KLHL30: variants seen among roughly 807,000 people sequenced by gnomAD.
KLHL30 encodes kelch like family member 30.
In KLHL30, 55 loss-of-function variants were observed where a neutral mutation model predicts 55.0. That is an observed-to-expected ratio of 1.00 (90% confidence interval 0.80 to 1.25). The LOEUF (loss-of-function observed/expected upper bound fraction) is 1.25, where lower values mean the gene tolerates loss of function less well. Among genes scored for constraint, KLHL30 ranks in the 50% most tolerant of loss-of-function variants. KLHL30 has a pLI of 0.00. For missense variants in KLHL30, 786 were observed against 811.6 expected, an observed-to-expected ratio of 0.97 and a Z score of 0.38; for synonymous variants, 356 against 372.6, an observed-to-expected ratio of 0.96 and a Z score of 0.51.
At chr2:238,139,563 G>C (rs774787158) in intron 1 of KLHL30, among the ~76,000 whole-genome samples, 1 of 152,194 alleles carries the variant, frequency 6.6e-6, no homozygotes, top group Non-Finnish European at 1.5e-5. Context: ...GGTGGCACCG[G>C]GGTCGGGAAG....
Position 238,149,145 on chromosome 2 carries a change from G to A in KLHL30, c.1478G>A (p.Trp493Ter). ...GTGTACGACCCCGGGGCCAACCTGT[G>A]GCAGAAGGTGGGCCGCCCCCTCCCC... is the stretch of plus-strand genomic sequence containing the variant. ...VYVYDPGANL[W>*]QKVQSQHSLH... Residue 493 changes from tryptophan to a stop codon, truncating the protein, a stop_gained, in exon 7 of 8, where the codon TGG becomes TAG. Transcript: ENST00000409223. LOFTEE classifies it high-confidence loss of function. 1 of 1,612,680 alleles carries A rather than the reference G, an allele frequency of 6.2e-7. No homozygotes were observed. Among genetic ancestry groups the A allele is most frequent in the Non-Finnish European group, 8.5e-7 (1 of 1,179,794 alleles).
chr2:238,144,432 A>AAGGCAGGCAGGCAGGC lies in KLHL30; in HGVS notation c.908-432_908-417dup, dbSNP rs1165549782. Among the ~76,000 whole-genome samples, 343 of 82,392 alleles carry AAGGCAGGCAGGCAGGC rather than the reference A, an allele frequency of 4.2e-3. 2 individuals carry two copies. The highest frequency in any genetic ancestry group is 8.7e-3 in the African/African-American group (189 of 21,824). The allele number at this position is 82,392 out of a possible 152,430, so 54.1% of individuals were successfully genotyped here. A position where few individuals can be genotyped will look rare whatever the true frequency, so the allele number is the denominator to read the frequency against. On this transcript the variant is annotated intron_variant, in intron 3 of 7. Transcript: ENST00000409223. ...GAAGGAAGGAAGGAAGGAAGGAAGG[A>AAGGCAGGCAGGCAGGC]AGGCAGGCAGGCAGGCAGGCAGGCA...
At chr2:238,150,455 T>C (rs1692732860) in intron 7 of KLHL30, among the ~76,000 whole-genome samples, 1 of 137,066 alleles carries the variant, frequency 7.3e-6, no homozygotes, top group Non-Finnish European at 1.7e-5. Context: ...TTTTCCTGAT[T>C]GTCTGCCAGG....
At chr2:238,150,709 G>A (rs1039649751) in intron 7 of KLHL30, 105 bp from the exon 8 acceptor site, 6 of 1,341,404 alleles carry the variant, frequency 4.5e-6, no homozygotes, top group Non-Finnish European at 5.1e-6. Flanking sequence ...TCTGGGCCAG[G>A]TGGCTGGCTG....
chr2:238,145,310 C>T (rs1692627566), intron 4 of KLHL30, among the ~76,000 whole-genome samples: 1 of 152,178 alleles, frequency 6.6e-6, no homozygotes, highest in African/African-American at 2.4e-5. Context: ...CGGCCTCCTT[C>T]AGCAGGAAGC....
At position 238,151,041 on chromosome 2, in the gene KLHL30, C is replaced by T. The variant is rs1184217916; in HGVS notation, c.1713C>T (p.Pro571=). 2 of 1,592,544 alleles carry T rather than the reference C, an allele frequency of 1.3e-6. No individual in the cohort carries two copies. The highest frequency in any genetic ancestry group is 8.5e-7 in the Non-Finnish European group (1 of 1,170,706). The stretch of plus-strand genomic sequence containing the variant: ...TGGATGTCTCCAAGTGGACCCAGCC[C>T]TCCGGCCCCACCCAGGAGCACTAAA... ...VFLDVSKWTQ[P]SGPTQEH Residue 571 remains proline, a synonymous_variant, in exon 8 of 8, where the codon CCC becomes CCT. Coordinates refer to ENST00000409223, the MANE Select transcript of KLHL30 (RefSeq NM_198582.4).
rs1039178961 is a variant in KLHL30 at position 238,147,434 on chromosome 2, G to A, written c.1151-400G>A. On this transcript the variant is annotated intron_variant, in intron 5 of 7. Transcript: ENST00000409223. The surrounding 1 kb of genome is among the most constrained non-coding windows in gnomAD (Gnocchi z 5.8). ...AGATTGTATCTGGGACTGGGAGGGAGCTGCCTACAGCTCCAGGGTCTCGCA... is the reference window on the plus strand; with the variant it reads ...AGATTGTATCTGGGACTGGGAGGGAACTGCCTACAGCTCCAGGGTCTCGCA... Among the ~76,000 whole-genome samples, 2 of 152,128 alleles carry A rather than the reference G, an allele frequency of 1.3e-5. No homozygotes were observed. Among genetic ancestry groups the A allele is most frequent in the Non-Finnish European group, 2.9e-5 (2 of 68,012 alleles).
Position 238,147,982 on chromosome 2 carries a change from G to GTACAACGCCCTGGCCCTGCAGTGC in KLHL30, c.1306_1329dup (p.Ala436_Asn443dup). ...ACCTGGTGGGCTCCAGCGCCTGCAA[G>GTACAACGCCCTGGCCCTGCAGTGC]TACAACGCCCTGGCCCTGCAGTGCT... On this transcript the variant is annotated inframe_insertion, in exon 6 of 8. Transcript: ENST00000409223. The surrounding 1 kb of genome is among the most constrained non-coding windows in gnomAD (Gnocchi z 5.8). 2 of 1,548,950 alleles carry GTACAACGCCCTGGCCCTGCAGTGC rather than the reference G, an allele frequency of 1.3e-6. No homozygotes were observed. Among genetic ancestry groups the GTACAACGCCCTGGCCCTGCAGTGC allele is most frequent in the Non-Finnish European group, 1.7e-6 (2 of 1,147,502 alleles).
intron 2 of KLHL30, among the ~76,000 whole-genome samples, chr2:238,142,280 A>C (rs1293930866): frequency 6.6e-6 from 1 of 152,188 alleles, no homozygotes; most frequent in Non-Finnish European, 1.5e-5. Context: ...TCCCCACTGG[A>C]TTCCAGCCAG....
chr2:238,140,528 G>T (rs1692512157), intron 1 of KLHL30, among the ~76,000 whole-genome samples, 157 bp from the exon 2 acceptor site: 1 of 152,192 alleles, frequency 6.6e-6, no homozygotes, highest in Non-Finnish European at 1.5e-5. Context: ...GGTTCTGGGG[G>T]TGGCTTGAGG....
At chr2:238,140,069 C>T (rs1490618031) in intron 1 of KLHL30, among the ~76,000 whole-genome samples, 1 of 152,314 alleles carries the variant, frequency 6.6e-6, no homozygotes, top group Non-Finnish European at 1.5e-5. Flanking sequence ...AGTTCAAATT[C>T]CAGCTCCACC....
chr2:238,150,523 C>T (rs758386059), intron 7 of KLHL30, among the ~76,000 whole-genome samples: 3 of 152,198 alleles, frequency 2.0e-5, no homozygotes, highest in Non-Finnish European at 4.4e-5. Context: ...CTCGAGTCAG[C>T]CCGGACCTCC....
rs753528996 is a variant in KLHL30 at position 238,141,270 on chromosome 2, GC to G, written c.517del (p.Gln173SerfsTer28). The G allele has an allele frequency of 4.4e-6, 7 of 1,603,804 alleles. No individual in the cohort carries two copies. The highest frequency in any genetic ancestry group is 5.9e-6 in the Non-Finnish European group (7 of 1,178,812). On this transcript the variant is annotated frameshift_variant, in exon 2 of 8. Transcript: ENST00000409223. LOFTEE classifies it high-confidence loss of function. Reference sequence around the variant, plus strand: ...CTGTGGCACGTGAGGACGAGTTCCTGCAGCTTCCCCGAGAGCGGCTGGTCAC... The same window carrying G: ...CTGTGGCACGTGAGGACGAGTTCCTGAGCTTCCCCGAGAGCGGCTGGTCAC... ...EAVAREDEFL[Q>X]LPRERLVTCL...
Position 238,140,874 on chromosome 2 carries a change from C to T in KLHL30, c.120C>T (p.Gly40=), listed in dbSNP as rs747326598. ...TGGCCGACGTCACACTGCTGGTGGGCGGCCGGGAGCTGCCATGCCACCGCG... is the reference window on the plus strand; with the variant it reads ...TGGCCGACGTCACACTGCTGGTGGGTGGCCGGGAGCTGCCATGCCACCGCG... ...PKLADVTLLV[G]GRELPCHRGL... The change falls in exon 2 of 8, where the codon GGC becomes GGT. Residue 40 remains glycine (G), a synonymous_variant. Transcript: ENST00000409223. 67 of 1,611,026 alleles carry T rather than the reference C, an allele frequency of 4.2e-5. 1 individual carries two copies. In the South Asian group the frequency reaches 5.8e-4, roughly 14 times the overall value.
Position 238,151,875 on chromosome 2 carries a change from C to G in KLHL30, c.*810C>G. On this transcript the variant is annotated 3_prime_UTR_variant, in exon 8 of 8. Transcript: ENST00000409223. The stretch of plus-strand genomic sequence containing the variant: ...AGGCTCTTCATTAGAATGGAATTTC[C>G]CACCAGGGGACGACTCTTGGGTGCA... 2.0e-6 allele frequency: 2 copies of G among 985,402 alleles called. No homozygotes were observed. The highest frequency in any genetic ancestry group is 2.4e-6 in the Non-Finnish European group (2 of 829,866). The allele number at this position is 985,402 out of a possible 1,614,324, so 61.0% of individuals were successfully genotyped here.
At chr2:238,144,380 AAGGAAGGAAG>A (rs1559275764) in intron 3 of KLHL30, among the ~76,000 whole-genome samples, 11,137 of 100,058 alleles carry the variant, frequency 0.11, 833 homozygotes, top group Middle Eastern at 0.16. Flanking sequence ...GGAAGGAAGG[AAGGAAGGAAG>A]GAAGGAAGGA....
chr2:238,139,155 G>T (rs1236418955), intron 1 of KLHL30, among the ~76,000 whole-genome samples: 1 of 152,204 alleles, frequency 6.6e-6, no homozygotes, highest in African/African-American at 2.4e-5. Flanking sequence ...GGACTGCAGG[G>T]TGACAGGTGT....
In KLHL30 at chr2:238,152,518, G is replaced by C. The variant is rs568036683; in HGVS notation, c.*1453G>C. The C allele has an allele frequency of 6.6e-6, 1 of 152,178 alleles. No individual in the cohort carries two copies. Among genetic ancestry groups the C allele is most frequent in the South Asian group, 2.1e-4 (1 of 4,818 alleles). 9.4% of individuals were successfully genotyped at this position (152,178 alleles called of 1,614,324 possible). A position where few individuals can be genotyped will look rare whatever the true frequency, so the allele number is the denominator to read the frequency against. The stretch of plus-strand genomic sequence containing the variant: ...CAAGTAGCTGGGATTACAGGCACTC[G>C]CCACCACGCCTGACTAATTTTTGTA... On this transcript the variant is annotated 3_prime_UTR_variant, in exon 8 of 8. Coordinates refer to ENST00000409223, the MANE Select transcript of KLHL30 (RefSeq NM_198582.4).
Position 238,140,929 on chromosome 2 carries a change from C to T in KLHL30, c.175C>T (p.His59Tyr). 6.2e-7 allele frequency: 1 copy of T among 1,611,262 alleles called. No homozygotes were observed. The highest frequency in any genetic ancestry group is 8.5e-7 in the Non-Finnish European group (1 of 1,178,710). Residue 59 changes from histidine (H) to tyrosine (Y), a missense_variant, in exon 2 of 8, where the codon CAT becomes TAT. Transcript: ENST00000409223. ...GLLALSSPYF[H>Y]AMFAGDFAES... ...CCTGGCGCTCAGCAGCCCCTACTTC[C>T]ATGCCATGTTTGCGGGTGACTTCGC...
Sources: gnomAD v4.1 joint callset for allele counts (sites outside exome capture counted in the v4.1 genomes callset) on GRCh38, gnomAD v4.1.1 for gene constraint, Gnocchi (gnomAD v3.1) non-coding constraint, MANE v1.5 for transcripts, NCBI Gene and HGNC (gene_info 2026-07-23, HGNC 2026-07-21) for gene names.